ZFHX3: variants seen among roughly 807,000 people sequenced by gnomAD.
The protein encoded by ZFHX3 is zinc finger homeobox 3.
A neutral mutation model predicts 279.1 loss-of-function variants in ZFHX3; 42 were observed. That is an observed-to-expected ratio of 0.15 (90% CI 0.12 to 0.19). ZFHX3 has a LOEUF of 0.19. ZFHX3 is among the 10% of genes least tolerant of loss of function. The pLI is 1.00. For synonymous variants in ZFHX3, 2,293 were observed against 1,957.8 expected (o/e 1.17, Z -4.52); for missense variants, 4,981 against 4,754.0 (o/e 1.05, Z -1.40).
chr16:73,334,098 G>A (rs998667030), intron 3 of ZFHX3, among the ~76,000 whole-genome samples: 2 of 152,194 alleles, frequency 1.3e-5, no homozygotes, highest in African/African-American at 2.4e-5. Context: ...GAAAGAGGAA[G>A]GAGAAAGGGG....
At chr16:72,822,384 AT>A (rs2036815916) in intron 5 of ZFHX3, among the ~76,000 whole-genome samples, 1 of 152,202 alleles carries the variant, frequency 6.6e-6, no homozygotes, top group African/African-American at 2.4e-5. Context: ...CAGAAGGCAA[AT>A]TGGGATTTGA....
rs1299651825 is a variant in ZFHX3 at position 73,615,715 on chromosome 16, C to T, written c.-1547+64465G>A. Among the ~76,000 whole-genome samples the T allele has an allele frequency of 3.9e-5, 6 of 152,156 alleles. No homozygotes were observed. In the East Asian group the frequency reaches 5.8e-4, roughly 15 times the overall value. ...AGGATCTCTGCTATATTTGCAGAGA[C>T]GTAATTTTATGCTGCTGGGGCTGAG... On this transcript the variant is annotated intron_variant, in intron 2 of 17. Transcript: ENST00000641206.
At chr16:73,560,240 G>T (rs1567518891) in intron 2 of ZFHX3, among the ~76,000 whole-genome samples, 1 of 60,584 alleles carries the variant, frequency 1.7e-5, no homozygotes, top group African/African-American at 1.1e-4. Flanking sequence ...TGCAAGAGAT[G>T]CTCATTGCTA....
At chr16:73,749,639 T>G (rs1373097080) in intron 1 of ZFHX3, among the ~76,000 whole-genome samples, 1 of 152,174 alleles carries the variant, frequency 6.6e-6, no homozygotes, top group African/African-American at 2.4e-5. Context: ...TTCCTAACAC[T>G]ATACTACGTA....
At chr16:73,555,999 T>G (rs969283538) in intron 2 of ZFHX3, among the ~76,000 whole-genome samples, 4 of 152,134 alleles carry the variant, frequency 2.6e-5, no homozygotes, top group African/African-American at 7.2e-5. Context: ...CTTTCTTAAA[T>G]GCAGACACAG....
chr16:73,537,282 G>A (rs999718312), intron 2 of ZFHX3, among the ~76,000 whole-genome samples: 7 of 149,134 alleles, frequency 4.7e-5, no homozygotes, highest in South Asian at 2.1e-4. Flanking sequence ...TTCTGATTCC[G>A]GCTCTAAATC....
At chr16:73,068,345 G>A (rs888318248) in intron 8 of ZFHX3, among the ~76,000 whole-genome samples, 2 of 152,174 alleles carry the variant, frequency 1.3e-5, no homozygotes, top group Non-Finnish European at 2.9e-5. Flanking sequence ...GGGCTGAGGC[G>A]CAGGAAATAA....
At chr16:73,469,597 A>T (rs1178669033) in intron 2 of ZFHX3, among the ~76,000 whole-genome samples, 1 of 151,820 alleles carries the variant, frequency 6.6e-6, no homozygotes, top group Non-Finnish European at 1.5e-5. Context: ...ACATCCTGGT[A>T]CCTAGTCCCA....
chr16:73,021,608 A>G (rs993740730), intron 1 of ZFHX3, among the ~76,000 whole-genome samples: 1 of 152,044 alleles, frequency 6.6e-6, no homozygotes, highest in Non-Finnish European at 1.5e-5. Context: ...AGGTGGGTAG[A>G]TCACCTGAGG....
At chr16:73,874,662 G>C (rs1354809562) in intron 1 of ZFHX3, among the ~76,000 whole-genome samples, 3 of 152,008 alleles carry the variant, frequency 2.0e-5, no homozygotes, top group African/African-American at 7.3e-5. Context: ...TCAAACCTTT[G>C]TATATTTGAC....
chr16:73,830,359 C>G (rs967313199), intron 1 of ZFHX3, among the ~76,000 whole-genome samples: 1 of 151,306 alleles, frequency 6.6e-6, no homozygotes, highest in Non-Finnish European at 1.5e-5. Flanking sequence ...AGAAATCACC[C>G]GTCTTCTGCG....
intron 3 of ZFHX3, among the ~76,000 whole-genome samples, chr16:73,405,988 G>A (rs931116103): frequency 1.3e-5 from 2 of 152,254 alleles, no homozygotes; most frequent in Admixed American, 6.5e-5. Flanking sequence ...AGGGATGTGT[G>A]GTTTCCAAGC....
At chr16:73,420,346 T>TG (rs2017693182) in intron 3 of ZFHX3, 1 of 152,246 alleles carries the variant, frequency 6.6e-6, no homozygotes, top group African/African-American at 2.4e-5. Context: ...AGATAGTATC[T>TG]AATGGTTTTA....
intron 1 of ZFHX3, among the ~76,000 whole-genome samples, chr16:73,819,108 T>A (rs572490066): frequency 6.6e-6 from 1 of 152,180 alleles, no homozygotes; most frequent in South Asian, 2.1e-4. Context: ...GAGCTAGTAA[T>A]TGCTATGCAG....
In ZFHX3 at chr16:73,433,715, G is replaced by A. The variant is rs753479552; in HGVS notation, c.-1291+22288C>T. ...AACTCTCTGGGGTTACGAGGCAGAC[G>A]CCCAGCCTGTACTGGCAATGATGCT... is the stretch of plus-strand genomic sequence containing the variant. On this transcript the variant is annotated intron_variant, in intron 3 of 17. Transcript: ENST00000641206. Among the ~76,000 whole-genome samples, 6 of 152,130 alleles carry A rather than the reference G, an allele frequency of 3.9e-5. No individual in the cohort carries two copies. The East Asian group carries it at 9.6e-4, about 24-fold the overall frequency.
At chr16:73,731,648 GA>G (rs5817871) in intron 1 of ZFHX3, among the ~76,000 whole-genome samples, 131,527 of 151,982 alleles carry the variant, frequency 0.87, 57,159 homozygotes, top group Non-Finnish European at 0.9. Context: ...TGTTCGGGGT[GA>G]AAAAAAACCC....
intron 2 of ZFHX3, among the ~76,000 whole-genome samples, chr16:73,496,971 C>A (rs565680432): frequency 6.6e-6 from 1 of 152,302 alleles, no homozygotes; most frequent in East Asian, 1.9e-4. Context: ...TGGGCTCTGT[C>A]CCACCATCTC....
chr16:73,657,313 C>T (rs1032022528), intron 2 of ZFHX3, among the ~76,000 whole-genome samples: 36 of 152,214 alleles, frequency 2.4e-4, no homozygotes, highest in East Asian at 7.7e-4. Context: ...AAAAATTAGC[C>T]GGGCGTGGTG....
At chr16:73,282,179 C>T (rs931223323) in intron 4 of ZFHX3, among the ~76,000 whole-genome samples, 2 of 152,172 alleles carry the variant, frequency 1.3e-5, no homozygotes, top group African/African-American at 2.4e-5. Flanking sequence ...TTCTTGTTCC[C>T]AGTCCTAAGT....
Sources: gnomAD v4.1 joint callset for allele counts (sites outside exome capture counted in the v4.1 genomes callset) on GRCh38, gnomAD v4.1.1 for gene constraint, MANE v1.5 for transcripts, NCBI Gene and HGNC (gene_info 2026-07-23, HGNC 2026-07-21) for gene names.